Variants in NCAM2 observed in about 807,000 individuals in gnomAD.
NCAM2 encodes the protein N-CAM-2.
Under a neutral mutation model 98.1 loss-of-function variants are expected in NCAM2, and 30 were observed. The ratio of observed to expected loss-of-function variants is 0.31; its 90% confidence interval spans 0.23 to 0.41. The LOEUF (loss-of-function observed/expected upper bound fraction) is 0.41. Ranked by LOEUF, NCAM2 falls within the 10% of genes least tolerant of loss-of-function variation. The pLI, the probability that NCAM2 is intolerant of heterozygous loss-of-function variation, is 1.00. For synonymous variants in NCAM2, 368 were observed against 342.4 expected, an observed-to-expected ratio of 1.07 and a Z score of -0.83; for missense variants, 867 against 1,005.8, an observed-to-expected ratio of 0.86 and a Z score of 1.87.
chr21:21,130,363 G>A (rs2066909027), intron 1 of NCAM2, among the ~76,000 whole-genome samples: 2 of 152,046 alleles, frequency 1.3e-5, no homozygotes, highest in South Asian at 2.1e-4. Context: ...AAAATATTTA[G>A]TGGAACATTT....
chr21:21,189,336 G>A (rs1169742353), intron 1 of NCAM2, among the ~76,000 whole-genome samples: 1 of 152,100 alleles, frequency 6.6e-6, no homozygotes, highest in African/African-American at 2.4e-5. Context: ...TGCCTTTGAA[G>A]TTAATAATGG....
At chr21:21,401,024 G>A (rs1024706277) in intron 9 of NCAM2, among the ~76,000 whole-genome samples, 1 of 152,048 alleles carries the variant, frequency 6.6e-6, no homozygotes, top group Non-Finnish European at 1.5e-5. Context: ...AAGAAAAAAA[G>A]GCCAAACTTA....
intron 16 of NCAM2, among the ~76,000 whole-genome samples, chr21:21,529,444 T>C (rs1387158221): frequency 6.6e-6 from 1 of 152,156 alleles, no homozygotes; most frequent in Non-Finnish European, 1.5e-5. Context: ...TAAGTTATTC[T>C]ACATAGTAGA....
At chr21:21,183,007 T>C (rs561323252) in intron 1 of NCAM2, among the ~76,000 whole-genome samples, 34 of 152,298 alleles carry the variant, frequency 2.2e-4, no homozygotes, top group Admixed American at 1.0e-3. Flanking sequence ...AGTAATGCAA[T>C]ACAGATGATA....
At chr21:21,506,617 T>A (rs1432544032) in intron 15 of NCAM2, among the ~76,000 whole-genome samples, 1 of 152,082 alleles carries the variant, frequency 6.6e-6, no homozygotes. Context: ...TAAAAAAAAA[T>A]ATTAAATCCC....
intron 12 of NCAM2, among the ~76,000 whole-genome samples, chr21:21,440,789 T>G (rs1222507670): frequency 1.3e-5 from 2 of 152,006 alleles, no homozygotes; most frequent in African/African-American, 4.8e-5. Flanking sequence ...ATGGAAAAGT[T>G]CATATCATTT....
chr21:21,225,588 G>T (rs1352671786), intron 1 of NCAM2, among the ~76,000 whole-genome samples: 1 of 151,766 alleles, frequency 6.6e-6, no homozygotes, highest in Non-Finnish European at 1.5e-5. Context: ...GAATATGTCT[G>T]CATATTTTAT....
At chr21:21,040,367 G>A (rs940088431) in intron 1 of NCAM2, among the ~76,000 whole-genome samples, 5 of 152,068 alleles carry the variant, frequency 3.3e-5, no homozygotes, top group Admixed American at 6.6e-5. Context: ...AATGAACCAT[G>A]ACTTTATGTG....
intron 1 of NCAM2, among the ~76,000 whole-genome samples, chr21:21,275,014 T>A (rs1384897907): frequency 1.3e-5 from 2 of 152,142 alleles, no homozygotes; most frequent in East Asian, 3.8e-4. Context: ...CTATAAATTT[T>A]AAAAATATCT....
Position 21,286,265 on chromosome 21 carries a change from A to G in NCAM2, c.338-4A>G. On this transcript the variant is annotated splice_polypyrimidine_tract_variant and splice_region_variant and intron_variant, in intron 3 of 17. Transcript: ENST00000400546. ...TTGTGATTTGTTTTACTTTGTTGAT[A>G]CAGAAAAACTCACTTTCAGAGAAGT... 6.3e-7 allele frequency: 1 copy of G among 1,588,202 alleles called. No homozygotes were observed. Among genetic ancestry groups the G allele is most frequent in the Non-Finnish European group, 8.6e-7 (1 of 1,165,260 alleles).
intron 12 of NCAM2, 41 bp from the exon 13 acceptor site, chr21:21,466,563 GTA>G: frequency 7.6e-7 from 1 of 1,319,416 alleles, no homozygotes; most frequent in Non-Finnish European, 1.0e-6. Context: ...AGATATATAT[GTA>G]TATATATGTT....
chr21:21,426,756 A>C (rs232393), intron 11 of NCAM2, among the ~76,000 whole-genome samples: 1 of 152,076 alleles, frequency 6.6e-6, no homozygotes, highest in Admixed American at 6.6e-5. Context: ...ACTGACATTC[A>C]CACCCCTCCA....
intron 1 of NCAM2, among the ~76,000 whole-genome samples, chr21:21,237,335 T>G (rs931670845): frequency 3.3e-5 from 5 of 152,164 alleles, no homozygotes; most frequent in Non-Finnish European, 7.4e-5. Context: ...CTAGCTACTT[T>G]CTATAATTAG....
intron 1 of NCAM2, among the ~76,000 whole-genome samples, chr21:21,114,826 C>CT (rs200750019): frequency 7.5e-4 from 3 of 3,998 alleles, no homozygotes; most frequent in Non-Finnish European, 2.2e-3. Context: ...TAAATTCTGA[C>CT]TTTTTTTTTT....
At chr21:21,429,005 AC>A (rs1366823217) in intron 11 of NCAM2, among the ~76,000 whole-genome samples, 2 of 152,222 alleles carry the variant, frequency 1.3e-5, no homozygotes, top group Non-Finnish European at 2.9e-5. Context: ...CAAGAAACTT[AC>A]AATTTAGTAG....
chr21:21,324,245 A>T (rs1398542994), intron 5 of NCAM2, 138 bp from the exon 6 acceptor site: 1 of 592,612 alleles, frequency 1.7e-6, no homozygotes, highest in East Asian at 2.7e-5. Flanking sequence ...TTTTACTGTG[A>T]AACCAAATCA....
chr21:21,322,052 A>C (rs2074388388), intron 5 of NCAM2, among the ~76,000 whole-genome samples: 1 of 152,210 alleles, frequency 6.6e-6, no homozygotes, highest in African/African-American at 2.4e-5. Flanking sequence ...ACATGGAGTC[A>C]ACCTTGGTAC....
chr21:21,355,535 A>C (rs1222875634), intron 8 of NCAM2, among the ~76,000 whole-genome samples: 4 of 138,240 alleles, frequency 2.9e-5, no homozygotes, highest in Non-Finnish European at 4.7e-5. Context: ...GGAGGGAGGG[A>C]GGGAGAGAGG....
At chr21:21,044,106 A>C (rs1355217516) in intron 1 of NCAM2, among the ~76,000 whole-genome samples, 1 of 152,110 alleles carries the variant, frequency 6.6e-6, no homozygotes, top group Non-Finnish European at 1.5e-5. Context: ...AAAACATACT[A>C]ATACATTTTA....
Sources: gnomAD v4.1 joint callset for allele counts (sites outside exome capture counted in the v4.1 genomes callset) on GRCh38, gnomAD v4.1.1 for gene constraint, MANE v1.5 for transcripts, NCBI Gene and HGNC (gene_info 2026-07-23, HGNC 2026-07-21) for gene names.